Variants in SLC6A6 observed in about 807,000 individuals in gnomAD.
The protein encoded by SLC6A6 is solute carrier family 6 member 6.
Under a neutral mutation model 68.8 loss-of-function variants are expected in SLC6A6, and 16 were observed. The observed-to-expected ratio is 0.23, with a 90% CI of 0.16 to 0.35. The LOEUF (loss-of-function observed/expected upper bound fraction) is 0.35, where lower values mean the gene tolerates loss of function less well. Among genes scored for constraint, SLC6A6 ranks in the 10% least tolerant of loss-of-function variants. The pLI is 1.00. For missense variants in SLC6A6, 474 were observed against 802.8 expected (o/e 0.59, Z 4.95); for synonymous variants, 312 against 315.4 (o/e 0.99, Z 0.12).
intron 4 of SLC6A6, among the ~76,000 whole-genome samples, chr3:14,446,471 T>G (rs561177210): frequency 5.9e-5 from 9 of 152,274 alleles, no homozygotes; most frequent in Admixed American, 5.2e-4. Flanking sequence ...ACTACTTGGG[T>G]GGCAGGAATC....
In SLC6A6 at chr3:14,468,308, G is replaced by A. The variant is rs1700667392; in HGVS notation, c.1096+96G>A. 1 of 1,110,230 alleles carries A rather than the reference G, an allele frequency of 9.0e-7. No individual in the cohort carries two copies. Among genetic ancestry groups the A allele is most frequent in the Non-Finnish European group, 1.2e-6 (1 of 804,784 alleles). 68.8% of individuals were successfully genotyped at this position (1,110,230 alleles called of 1,614,324 possible). A position where few individuals can be genotyped will look rare whatever the true frequency, so the allele number is the denominator to read the frequency against. On this transcript the variant is annotated intron_variant, in intron 9 of 14. Coordinates refer to ENST00000622186, the MANE Select transcript of SLC6A6 (RefSeq NM_003043.6). The surrounding 1 kb of genome is among the most constrained non-coding windows in gnomAD (Gnocchi z 4.5). ...AAGCCAGACCCCAGGGGGCTTTGAG[G>A]GGGGACGAGCCTGGTTTCTAAAATG...
intron 13 of SLC6A6, among the ~76,000 whole-genome samples, chr3:14,479,642 G>A (rs947126073): frequency 1.3e-5 from 2 of 152,142 alleles, no homozygotes; most frequent in Non-Finnish European, 2.9e-5. Context: ...GGAGAGGTGG[G>A]GGTAGTAGCT....
chr3:14,483,708 TAGAGACAGGGTCTTGC>T (rs1701066898), intron 14 of SLC6A6, among the ~76,000 whole-genome samples: 2 of 152,090 alleles, frequency 1.3e-5, no homozygotes, highest in Admixed American at 6.6e-5. Context: ...ACAAAAAAAA[TAGAGACAGGGTCTTGC>T]TCCTTTGCCC....
At chr3:14,440,428 C>T (rs1699955913) in intron 2 of SLC6A6, among the ~76,000 whole-genome samples, 1 of 151,940 alleles carries the variant, frequency 6.6e-6, no homozygotes, top group Admixed American at 6.6e-5. Context: ...TTCTGTGTGG[C>T]CCGTGTCCCA....
In SLC6A6 at chr3:14,481,826, G is replaced by T. The variant is rs901778371; in HGVS notation, c.1707G>T (p.Glu569Asp). Reference protein sequence around the residue: ...LVIVIRLCQTEGPFLVRVKYL... With the variant: ...LVIVIRLCQTDGPFLVRVKYL... Reference sequence around the variant, plus strand: ...TCGTCATCCGCCTCTGCCAGACTGAGGGGCCGTTCCTTGTGGTAAGTGCTT... The same window carrying T: ...TCGTCATCCGCCTCTGCCAGACTGATGGGCCGTTCCTTGTGGTAAGTGCTT... The change falls in exon 14 of 15, where the codon GAG becomes GAT. Residue 569 changes from glutamate (E) to aspartate (D), a missense_variant. Transcript: ENST00000622186. This position sits in a 1 kb window ranked among gnomAD's most constrained non-coding sequence, Gnocchi z 4.7. 1.2e-6 allele frequency: 2 copies of T among 1,614,018 alleles called. No homozygotes were observed. Among genetic ancestry groups the T allele is most frequent in the Non-Finnish European group, 1.7e-6 (2 of 1,179,930 alleles).
At chr3:14,445,670 C>A in intron 3 of SLC6A6, 47 bp from the exon 4 acceptor site, 1 of 1,611,870 alleles carries the variant, frequency 6.2e-7, no homozygotes, top group Non-Finnish European at 8.5e-7. Context: ...TCTGCGTCGG[C>A]GCTGCCATGG....
At chr3:14,407,005 C>T (rs1699124071) in intron 1 of SLC6A6, among the ~76,000 whole-genome samples, 1 of 151,978 alleles carries the variant, frequency 6.6e-6, no homozygotes, top group Non-Finnish European at 1.5e-5. Flanking sequence ...TGAATCAGAA[C>T]CTCCAGGGGG....
chr3:14,441,765 G>A (rs771648259), intron 2 of SLC6A6, among the ~76,000 whole-genome samples: 4 of 152,366 alleles, frequency 2.6e-5, no homozygotes, highest in South Asian at 2.1e-4. Context: ...CAAGTGACTC[G>A]CCTGGTCACA....
intron 1 of SLC6A6, among the ~76,000 whole-genome samples, chr3:14,411,896 G>T (rs1445653123): frequency 1.3e-5 from 2 of 152,200 alleles, no homozygotes; most frequent in African/African-American, 4.8e-5. Context: ...CAGGGCTATG[G>T]ACGTCAGACA....
intron 5 of SLC6A6, among the ~76,000 whole-genome samples, chr3:14,456,862 T>C (rs1360585825): frequency 6.6e-6 from 1 of 152,210 alleles, no homozygotes; most frequent in East Asian, 1.9e-4. Context: ...CCCTGGAGCA[T>C]GCAGACCCTG....
At chr3:14,430,114 G>A (rs1360375515) in intron 2 of SLC6A6, among the ~76,000 whole-genome samples, 1 of 152,204 alleles carries the variant, frequency 6.6e-6, no homozygotes, top group Non-Finnish European at 1.5e-5. Context: ...GTGCCGGGGA[G>A]AGAGTCATGC....
chr3:14,435,039 T>C (rs1023669043), intron 2 of SLC6A6, among the ~76,000 whole-genome samples: 7 of 152,218 alleles, frequency 4.6e-5, no homozygotes, highest in African/African-American at 1.7e-4. Context: ...AGGCTTGTTC[T>C]TTGCAAAACC....
rs183371551 is a variant in SLC6A6, at chr3:14,479,299, C to T, written c.1551+114C>T. On this transcript the variant is annotated intron_variant, in intron 13 of 14. Transcript: ENST00000622186. ...CTGTTCAGCGTGGGCTTATAATAAA[C>T]CCAGCTTCAGCGCTGCCTGGGAGAG... 108 of 727,720 alleles carry T rather than the reference C, an allele frequency of 1.5e-4. No homozygotes were observed. The East Asian group carries it at 2.6e-3, about 18-fold the overall frequency. 45.1% of individuals were successfully genotyped at this position (727,720 alleles called of 1,614,324 possible).
chr3:14,446,112 A>G (rs1003379781), intron 4 of SLC6A6, among the ~76,000 whole-genome samples: 1 of 152,222 alleles, frequency 6.6e-6, no homozygotes, highest in Non-Finnish European at 1.5e-5. Flanking sequence ...AGGTTGTTGC[A>G]TAGAGAAGCC....
chr3:14,467,207 C>T (rs17309567), intron 7 of SLC6A6, among the ~76,000 whole-genome samples: 9,106 of 152,250 alleles, frequency 0.06, 366 homozygotes, highest in South Asian at 0.17. Flanking sequence ...CAGGGCCTTC[C>T]GGTTGCTTCC....
At chr3:14,449,680 A>G (rs1700211867) in intron 5 of SLC6A6, among the ~76,000 whole-genome samples, 1 of 152,230 alleles carries the variant, frequency 6.6e-6, no homozygotes, top group South Asian at 2.1e-4. Context: ...TGACATCCCA[A>G]GGTTGTAGGA....
intron 1 of SLC6A6, among the ~76,000 whole-genome samples, chr3:14,408,734 T>G (rs1425107886): frequency 2.6e-5 from 4 of 152,212 alleles, no homozygotes; most frequent in Non-Finnish European, 5.9e-5. Flanking sequence ...TCACTTGAGT[T>G]TTGATTTCCT....
At chr3:14,410,324 C>T (rs1699221987) in intron 1 of SLC6A6, among the ~76,000 whole-genome samples, 1 of 152,180 alleles carries the variant, frequency 6.6e-6, no homozygotes, top group Non-Finnish European at 1.5e-5. Flanking sequence ...CACCTCAAAC[C>T]TTCGGTGATA....
chr3:14,485,093 T>A lies in SLC6A6; in HGVS notation c.*86T>A. On this transcript the variant is annotated 3_prime_UTR_variant, in exon 15 of 15. Coordinates refer to ENST00000622186, the MANE Select transcript of SLC6A6 (RefSeq NM_003043.6). ...AGGACCAGGTTTACAGAGCTTTATA[T>A]TTGCACTAGGATTTTTTTTTTTTTG... The A allele has an allele frequency of 8.3e-7, 1 of 1,205,608 alleles. No individual in the cohort carries two copies. The highest frequency in any genetic ancestry group is 1.1e-6 in the Non-Finnish European group (1 of 885,034). The allele number at this position is 1,205,608 out of a possible 1,614,324, so 74.7% of individuals were successfully genotyped here. A position where few individuals can be genotyped will look rare whatever the true frequency, so the allele number is the denominator to read the frequency against.
Sources: gnomAD v4.1 joint callset for allele counts (sites outside exome capture counted in the v4.1 genomes callset) on GRCh38, gnomAD v4.1.1 for gene constraint, Gnocchi (gnomAD v3.1) non-coding constraint, MANE v1.5 for transcripts, NCBI Gene and HGNC (gene_info 2026-07-23, HGNC 2026-07-21) for gene names.